The following TMEM61 variants were observed in gnomAD, a reference collection of about 807,000 sequenced individuals.
TMEM61 encodes transmembrane protein 61.
Under a neutral mutation model 12.0 loss-of-function variants are expected in TMEM61, and 13 were observed. That is an observed-to-expected ratio of 1.08 (90% CI 0.70 to 1.72). The LOEUF (loss-of-function observed/expected upper bound fraction) is 1.72. Among genes scored for constraint, TMEM61 ranks in the 40% most tolerant of loss-of-function variants. TMEM61 has a pLI of 0.00. For synonymous variants in TMEM61, 109 were observed against 121.4 expected (o/e 0.90, Z 0.67); for missense variants, 249 against 276.9 (o/e 0.90, Z 0.71).
chr1:54,982,802 C>T (rs1222416894), intron 1 of TMEM61, among the ~76,000 whole-genome samples: 1 of 152,180 alleles, frequency 6.6e-6, no homozygotes, highest in African/African-American at 2.4e-5. Flanking sequence ...GGGTCCAAAT[C>T]CAGCAGTAAC....
Position 54,980,951 on chromosome 1 carries a change from C to A in TMEM61, c.-115C>A, listed in dbSNP as rs929967299. The A allele has an allele frequency of 7.1e-5, 84 of 1,188,524 alleles. No homozygotes were observed. Among genetic ancestry groups the A allele is most frequent in the Non-Finnish European group, 8.7e-5 (77 of 880,166 alleles). The allele number at this position is 1,188,524 out of a possible 1,614,324, so 73.6% of individuals were successfully genotyped here. ...CCGCCCCTAACACCCGCGCCTCCTG[C>A]AGACCCGAGGGTCGCCGCTGGTAGG... is the stretch of plus-strand genomic sequence containing the variant. On this transcript the variant is annotated 5_prime_UTR_variant, in exon 1 of 3. Coordinates refer to ENST00000371268, the MANE Select transcript of TMEM61 (RefSeq NM_182532.3).
chr1:54,989,521 G>C (rs1052105676), intron 2 of TMEM61, among the ~76,000 whole-genome samples: 3 of 152,248 alleles, frequency 2.0e-5, no homozygotes, highest in African/African-American at 4.8e-5. Flanking sequence ...CCTGTGCGGG[G>C]AGACCACTGT....
chr1:54,985,761 C>G (rs1644253084), intron 1 of TMEM61, among the ~76,000 whole-genome samples: 1 of 84,430 alleles, frequency 1.2e-5, no homozygotes, highest in Admixed American at 1.3e-4. Flanking sequence ...TTTTCTCTGT[C>G]CCAGCTTCCT....
chr1:54,982,219 G>A (rs569654463), intron 1 of TMEM61, among the ~76,000 whole-genome samples: 1 of 152,174 alleles, frequency 6.6e-6, no homozygotes, highest in African/African-American at 2.4e-5. Context: ...TCTGATTCCC[G>A]GAAAACCCTC....
At chr1:54,991,024 C>A (rs1644294563) in intron 2 of TMEM61, among the ~76,000 whole-genome samples, 1 of 152,212 alleles carries the variant, frequency 6.6e-6, no homozygotes, top group South Asian at 2.1e-4. Context: ...CAGCGACATT[C>A]CCACCCCACT....
rs779880277 is a variant in TMEM61 at position 54,986,169 on chromosome 1, G to T, written c.88G>T (p.Ala30Ser). ...MTVSGTVVLV[A>S]GTLCFAWWSE... ...AGTCAGCGGCACAGTGGTTCTGGTGGCCGGGACGCTCTGCTTCGCTTGGTG... is the reference window on the plus strand; with the variant it reads ...AGTCAGCGGCACAGTGGTTCTGGTGTCCGGGACGCTCTGCTTCGCTTGGTG... The change falls in exon 2 of 3, where the codon GCC becomes TCC. Residue 30 changes from alanine to serine, a missense_variant. By Grantham distance (99) the Ala-to-Ser change is moderately conservative. Transcript: ENST00000371268. 1.9e-6 allele frequency: 3 copies of T among 1,613,112 alleles called. No individual in the cohort carries two copies. The African/African-American group carries it at 4.0e-5, about 22-fold the overall frequency.
chr1:54,985,642 C>T (rs900897077), intron 1 of TMEM61, among the ~76,000 whole-genome samples: 1 of 152,218 alleles, frequency 6.6e-6, no homozygotes, highest in African/African-American at 2.4e-5. Context: ...GTATCTTCCT[C>T]TATTCAGTAA....
intron 1 of TMEM61, among the ~76,000 whole-genome samples, chr1:54,983,290 T>A (rs1038862079): frequency 2.0e-5 from 3 of 151,706 alleles, no homozygotes; most frequent in African/African-American, 7.3e-5. Context: ...ATTGGCTAAT[T>A]TTTGTATTTC....
Position 54,992,182 on chromosome 1 carries a change from T to C in TMEM61, c.*79T>C. ...GTCTTATGCAGTGCCTGGGACACAGTAGGCACTCAGCAAACGTTCGTTGTT... is the reference window on the plus strand; with the variant it reads ...GTCTTATGCAGTGCCTGGGACACAGCAGGCACTCAGCAAACGTTCGTTGTT... On this transcript the variant is annotated 3_prime_UTR_variant, in exon 3 of 3. Transcript: ENST00000371268. The C allele has an allele frequency of 3.3e-6, 5 of 1,501,520 alleles. No individual in the cohort carries two copies. The highest frequency in any genetic ancestry group is 4.5e-6 in the Non-Finnish European group (5 of 1,116,036). The allele number at this position is 1,501,520 out of a possible 1,614,324, so 93.0% of individuals were successfully genotyped here.
In TMEM61 at chr1:54,992,201, C is replaced by T. The variant is rs1255618465; in HGVS notation, c.*98C>T. On this transcript the variant is annotated 3_prime_UTR_variant, in exon 3 of 3. Transcript: ENST00000371268. The stretch of plus-strand genomic sequence containing the variant: ...ACACAGTAGGCACTCAGCAAACGTT[C>T]GTTGTTGAAGGCTGTTCTATTTATC... 1.1e-5 allele frequency: 16 copies of T among 1,436,386 alleles called. No individual in the cohort carries two copies. Among genetic ancestry groups the T allele is most frequent in the East Asian group, 4.6e-5 (2 of 43,764 alleles). 89.0% of individuals were successfully genotyped at this position (1,436,386 alleles called of 1,614,324 possible).
rs1315365217 is a variant in TMEM61, at chr1:54,981,063, C to T, written c.-3C>T. On this transcript the variant is annotated 5_prime_UTR_variant, in exon 1 of 3. Transcript: ENST00000371268. Reference sequence around the variant, plus strand: ...CTGGACAGCGCCTGCTGCCCGCCTCCCGATGGCCCTGCCCCAGGTGGGTGG... The same window carrying T: ...CTGGACAGCGCCTGCTGCCCGCCTCTCGATGGCCCTGCCCCAGGTGGGTGG... 6.3e-7 allele frequency: 1 copy of T among 1,584,436 alleles called. No individual in the cohort carries two copies. Among genetic ancestry groups the T allele is most frequent in the East Asian group, 2.3e-5 (1 of 43,412 alleles).
At chr1:54,985,215 GTGTA>G (rs938004460) in intron 1 of TMEM61, among the ~76,000 whole-genome samples, 2 of 15,032 alleles carry the variant, frequency 1.3e-4, no homozygotes, top group Non-Finnish European at 7.8e-4. Flanking sequence ...CGGTGAACGT[GTGTA>G]TGTGTGTGTG....
intron 1 of TMEM61, among the ~76,000 whole-genome samples, chr1:54,981,830 C>T (rs1644225103): frequency 6.6e-6 from 1 of 152,170 alleles, no homozygotes; most frequent in African/African-American, 2.4e-5. Context: ...CAGGCTGGCC[C>T]TGCCACCAGT....
In TMEM61 at chr1:54,986,296, TCTGCTGCGGTGCAGGTGGC is replaced by T; in HGVS notation, c.223_241del (p.Gly75CysfsTer56). On this transcript the variant is annotated frameshift_variant, in exon 2 of 3. Transcript: ENST00000371268. LOFTEE classifies it high-confidence loss of function. Reference sequence around the variant, plus strand: ...CCCCTGCTCAGGTCCGTCAGCTTCGTCTGCTGCGGTGCAGGTGGCCTGCTGCTGCTCATTGGCCTGCTGT... The same window carrying T: ...CCCCTGCTCAGGTCCGTCAGCTTCGTCTGCTGCTGCTCATTGGCCTGCTGT... 6.2e-7 allele frequency: 1 copy of T among 1,614,036 alleles called. No individual in the cohort carries two copies. The highest frequency in any genetic ancestry group is 8.5e-7 in the Non-Finnish European group (1 of 1,180,024).
chr1:54,991,870 GAAGCCGTGAGCTTCCCAGT>G lies in TMEM61; in HGVS notation c.401_419del (p.Glu134GlyfsTer75). 6.2e-7 allele frequency: 1 copy of G among 1,614,078 alleles called. No individual in the cohort carries two copies. The highest frequency in any genetic ancestry group is 8.5e-7 in the Non-Finnish European group (1 of 1,179,990). On this transcript the variant is annotated frameshift_variant, in exon 3 of 3. Transcript: ENST00000371268. LOFTEE classifies it low-confidence loss of function (END_TRUNC). ...AGTGGTTGACATCCCCACTTACGAG[GAAGCCGTGAGCTTCCCAGT>G]GGCCGAGGGGCCCCCAACACCACCT... is the stretch of plus-strand genomic sequence containing the variant.
intron 2 of TMEM61, among the ~76,000 whole-genome samples, chr1:54,987,616 G>A (rs1644269485): frequency 6.6e-6 from 1 of 152,184 alleles, no homozygotes; most frequent in Non-Finnish European, 1.5e-5. Flanking sequence ...ATTCAACAAA[G>A]TACAGAGTGT....
chr1:54,986,746 C>T (rs573425193), intron 2 of TMEM61, among the ~76,000 whole-genome samples: 25 of 151,972 alleles, frequency 1.6e-4, no homozygotes, highest in African/African-American at 6.1e-4. Context: ...CAGCTGAGCT[C>T]AGCTTGGTAT....
intron 1 of TMEM61, among the ~76,000 whole-genome samples, 199 bp from the exon 2 acceptor site, chr1:54,985,898 A>G (rs1296095974): frequency 1.3e-5 from 2 of 152,146 alleles, no homozygotes; most frequent in African/African-American, 2.4e-5. Context: ...GTGCTGATAC[A>G]TGTTTACCTC....
intron 2 of TMEM61, among the ~76,000 whole-genome samples, chr1:54,987,144 A>G (rs1254116359): frequency 6.6e-6 from 1 of 152,236 alleles, no homozygotes; most frequent in Non-Finnish European, 1.5e-5. Flanking sequence ...GTCTGGCCTC[A>G]GAGTCTATGC....
Sources: gnomAD v4.1 joint callset for allele counts (sites outside exome capture counted in the v4.1 genomes callset) on GRCh38, gnomAD v4.1.1 for gene constraint, MANE v1.5 for transcripts, NCBI Gene and HGNC (gene_info 2026-07-23, HGNC 2026-07-21) for gene names.